Variants in EVX1 observed in about 807,000 individuals in gnomAD.
The protein encoded by EVX1 is homeobox even-skipped homolog protein 1.
In EVX1, 19 loss-of-function variants were observed where a neutral mutation model predicts 28.6. The ratio of observed to expected loss-of-function variants is 0.67; its 90% CI spans 0.46 to 0.98. The LOEUF (loss-of-function observed/expected upper bound fraction) is 0.98, where lower values mean the gene tolerates loss of function less well. Among genes scored for constraint, EVX1 ranks in the 50% least tolerant of loss-of-function variants. The pLI, the probability that EVX1 is intolerant of heterozygous loss-of-function variation, is 0.00. For synonymous variants in EVX1, 324 were observed against 278.2 expected (o/e 1.16, Z -1.64); for missense variants, 660 against 583.0 (o/e 1.13, Z -1.36).
In EVX1 at chr7:27,242,960, G is replaced by T. The variant is rs1477862565; in HGVS notation, c.-71G>T. On this transcript the variant is annotated 5_prime_UTR_variant, in exon 1 of 3. Coordinates refer to ENST00000496902, the MANE Select transcript of EVX1 (RefSeq NM_001989.5). ...TCTTGCAACCAAGATCCGTCCGGCC[G>T]CTGGAGACCCAGGGAGCCGGGGTTA... is the stretch of plus-strand genomic sequence containing the variant. 5.7e-6 allele frequency: 8 copies of T among 1,400,474 alleles called. No homozygotes were observed. Among genetic ancestry groups the T allele is most frequent in the Non-Finnish European group, 7.5e-6 (8 of 1,064,410 alleles). 86.8% of individuals were successfully genotyped at this position (1,400,474 alleles called of 1,614,324 possible). A position where few individuals can be genotyped will look rare whatever the true frequency, so the allele number is the denominator to read the frequency against.
chr7:27,243,611 G>A, intron 1 of EVX1, 154 bp downstream of exon 1: 2 of 802,940 alleles, frequency 2.5e-6, no homozygotes, highest in Non-Finnish European at 3.7e-6. Flanking sequence ...TCTGGCGGGG[G>A]TCTCCTACTG....
At chr7:27,245,393 G>A in intron 2 of EVX1, 89 bp downstream of exon 2, 2 of 1,557,550 alleles carry the variant, frequency 1.3e-6, no homozygotes, top group Non-Finnish European at 1.7e-6. Flanking sequence ...CGCAGGCCAG[G>A]AATCTGGGCC....
Position 27,242,886 on chromosome 7 carries a change from C to A in EVX1, c.-145C>A, listed in dbSNP as rs1783058985. On this transcript the variant is annotated 5_prime_UTR_variant, in exon 1 of 3. Coordinates refer to ENST00000496902, the MANE Select transcript of EVX1 (RefSeq NM_001989.5). ...ACCGCCGCGGTCGCGGTCCAGACCG[C>A]GCTCCAGCAGCTCCGCGCCCTCCCA... 6 of 933,042 alleles carry A rather than the reference C, an allele frequency of 6.4e-6. No homozygotes were observed. The Admixed American group carries it at 1.3e-4, about 20-fold the overall frequency. 57.8% of individuals were successfully genotyped at this position (933,042 alleles called of 1,614,324 possible). A position where few individuals can be genotyped will look rare whatever the true frequency, so the allele number is the denominator to read the frequency against.
intron 1 of EVX1, 34 bp from the exon 2 acceptor site, chr7:27,245,010 GTGTC>G: frequency 6.3e-7 from 1 of 1,591,084 alleles, no homozygotes; most frequent in Non-Finnish European, 8.5e-7. Flanking sequence ...TTGTGTGTCT[GTGTC>G]TGTACACGCC....
Position 27,245,063 on chromosome 7 carries a change from C to G in EVX1, c.443C>G (p.Ala148Gly). ...CGCTGTGCAGGGTCCGGCTCCGAGG[C>G]GCTGGTCGGCAGTCCGAACGGAGGG... Reference protein sequence around the residue: ...YQHSKGSGSEALVGSPNGGSE... With the variant: ...YQHSKGSGSEGLVGSPNGGSE... The change falls in exon 2 of 3, where the codon GCG becomes GGG. Residue 148 changes from alanine to glycine, a missense_variant. Transcript: ENST00000496902. 1 of 1,611,260 alleles carries G rather than the reference C, an allele frequency of 6.2e-7. No individual in the cohort carries two copies. The highest frequency in any genetic ancestry group is 8.5e-7 in the Non-Finnish European group (1 of 1,179,716).
rs769793457 is a variant in EVX1, at chr7:27,245,312, G to A, written c.684+8G>A. 6 of 1,612,982 alleles carry A rather than the reference G, an allele frequency of 3.7e-6. No individual in the cohort carries two copies. The highest frequency in any genetic ancestry group is 2.2e-5 in the South Asian group (2 of 91,084). ...CCGGAAACCACCATCAAGGTATGCG[G>A]GGTCCAGGCTGGGGAGGCGGGTGTG... On this transcript the variant is annotated splice_region_variant and intron_variant, in intron 2 of 2. Coordinates refer to ENST00000496902, the MANE Select transcript of EVX1 (RefSeq NM_001989.5).
Position 27,245,373 on chromosome 7 carries a change from C to T in EVX1, c.684+69C>T. 6 of 1,581,946 alleles carry T rather than the reference C, an allele frequency of 3.8e-6. No individual in the cohort carries two copies. In the South Asian group the frequency reaches 6.9e-5, roughly 18 times the overall value. ...GCGGGAAGTAAATGCCAACTGCCAA[C>T]TCCCTGAAACGCAGGCCAGGAATCT... On this transcript the variant is annotated intron_variant, in intron 2 of 2. Transcript: ENST00000496902.
rs115466641 is a variant in EVX1, at chr7:27,245,707, A to C, written c.685-179A>C. ...GGGAGCGGGCTGGAGTCACTCCCCA[A>C]ACCTCTCTCGGAGGGATTCCAGCTC... On this transcript the variant is annotated intron_variant, in intron 2 of 2. Coordinates refer to ENST00000496902, the MANE Select transcript of EVX1 (RefSeq NM_001989.5). 8.3e-3 allele frequency among the ~76,000 whole-genome samples: 1,253 copies of C among 151,808 alleles called. 23 individuals carry two copies. Among genetic ancestry groups the C allele is most frequent in the African/African-American group, 0.029 (1,192 of 41,404 alleles).
chr7:27,246,539 G>GC lies in EVX1; in HGVS notation c.*114_*115insC. 1.8e-6 allele frequency: 2 copies of GC among 1,098,848 alleles called. No individual in the cohort carries two copies. The highest frequency in any genetic ancestry group is 2.6e-6 in the Non-Finnish European group (2 of 781,412). The allele number at this position is 1,098,848 out of a possible 1,614,324, so 68.1% of individuals were successfully genotyped here. Reference sequence around the variant, plus strand: ...CTCCTCGCCCCTAGGACGCCAAGGGGGAAAGGAGAGGGCGGAAAAGGACCA... The same window carrying GC: ...CTCCTCGCCCCTAGGACGCCAAGGGGCGAAAGGAGAGGGCGGAAAAGGACCA... On this transcript the variant is annotated 3_prime_UTR_variant, in exon 3 of 3. Transcript: ENST00000496902.
Position 27,246,191 on chromosome 7 carries a change from G to T in EVX1, c.990G>T (p.Pro330=). Reference sequence around the variant, plus strand: ...TGCTGTGCGCCTTCCGCCACCCGCCGCTCTACCCCGGGCCCGCGCACGGAC... The same window carrying T: ...TGCTGTGCGCCTTCCGCCACCCGCCTCTCTACCCCGGGCCCGCGCACGGAC... ...PELLCAFRHP[P]LYPGPAHGLG... Residue 330 remains proline (P), a synonymous_variant, in exon 3 of 3, where the codon CCG becomes CCT. Coordinates refer to ENST00000496902, the MANE Select transcript of EVX1 (RefSeq NM_001989.5). 1.3e-6 allele frequency: 2 copies of T among 1,494,906 alleles called. No individual in the cohort carries two copies. Among genetic ancestry groups the T allele is most frequent in the South Asian group, 2.5e-5 (2 of 79,210 alleles). The allele number at this position is 1,494,906 out of a possible 1,614,324, so 92.6% of individuals were successfully genotyped here.
chr7:27,245,781 G>A (rs1469475723), intron 2 of EVX1, 105 bp from the exon 3 acceptor site: 2 of 1,449,200 alleles, frequency 1.4e-6, no homozygotes, highest in Admixed American at 4.8e-5. Flanking sequence ...GTCTGCTTTG[G>A]CTGTTCCTGC....
rs538993502 is a variant in EVX1, at chr7:27,243,415, C to G, written c.385C>G (p.Pro129Ala). Residue 129 changes from proline to alanine, a missense_variant, in exon 1 of 3, where the codon CCG becomes GCG. Coordinates refer to ENST00000496902, the MANE Select transcript of EVX1 (RefSeq NM_001989.5). Reference sequence around the variant, plus strand: ...TGAAGAAATCGAGGTGAGCTGCACCCCGGACTGCGCCACCGGGAACGCCGA... The same window carrying G: ...TGAAGAAATCGAGGTGAGCTGCACCGCGGACTGCGCCACCGGGAACGCCGA... ...FYEEIEVSCT[P>A]DCATGNAEYQ... 5 of 1,610,074 alleles carry G rather than the reference C, an allele frequency of 3.1e-6. No homozygotes were observed. The East Asian group carries it at 6.7e-5, about 22-fold the overall frequency.
At chr7:27,244,164 G>T (rs1025451126) in intron 1 of EVX1, among the ~76,000 whole-genome samples, 7 of 152,374 alleles carry the variant, frequency 4.6e-5, no homozygotes, top group Admixed American at 4.6e-4. Context: ...GCCCAAAGGG[G>T]GGCTGGTTTA....
chr7:27,243,555 G>A (rs1381154871), intron 1 of EVX1, 98 bp downstream of exon 1: 1 of 1,338,410 alleles, frequency 7.5e-7, no homozygotes, highest in Non-Finnish European at 9.9e-7. Flanking sequence ...CCTAGGGCAG[G>A]ATGGCTGGGG....
intron 1 of EVX1, 23 bp downstream of exon 1, chr7:27,243,480 C>T (rs1783084085): frequency 1.3e-6 from 2 of 1,548,608 alleles, no homozygotes; most frequent in Non-Finnish European, 8.7e-7. Context: ...CCCCTCCGCT[C>T]CCCGGGCCTC....
At chr7:27,244,511 A>G (rs546559798) in intron 1 of EVX1, 1 of 989,180 alleles carries the variant, frequency 1.0e-6, no homozygotes. Flanking sequence ...CCACTCACAT[A>G]TACTAAGGTA....
chr7:27,243,400 G>A lies in EVX1; in HGVS notation c.370G>A (p.Glu124Lys). Residue 124 changes from glutamate to lysine, a missense_variant, in exon 1 of 3, where the codon GAG (glutamate) becomes AAG (lysine). Glu to Lys is a moderately conservative substitution (Grantham distance 56, BLOSUM62 1). Around this residue, in one of 3 missense-constraint regions of EVX1, gnomAD observed 308 missense variants for 256.6 expected, o/e 1.20. Transcript: ENST00000496902. ...CGAGTCGGATTTCTATGAAGAAATC[G>A]AGGTGAGCTGCACCCCGGACTGCGC... ...DTESDFYEEI[E>K]VSCTPDCATG... 6.2e-7 allele frequency: 1 copy of A among 1,611,992 alleles called. No homozygotes were observed.
intron 1 of EVX1, 67 bp downstream of exon 1, chr7:27,243,524 A>T: frequency 6.7e-7 from 1 of 1,495,590 alleles, no homozygotes; most frequent in East Asian, 2.4e-5. Context: ...GGCGCAGGCC[A>T]GGAGGAAGAC....
chr7:27,243,248 T>C lies in EVX1; in HGVS notation c.218T>C (p.Leu73Pro). The C allele has an allele frequency of 1.3e-6, 2 of 1,546,842 alleles. No homozygotes were observed. Among genetic ancestry groups the C allele is most frequent in the Non-Finnish European group, 8.7e-7 (1 of 1,146,074 alleles). The change falls in exon 1 of 3, where the codon CTC becomes CCC. Residue 73 changes from leucine (L) to proline (P), a missense_variant. Transcript: ENST00000496902. The part of the protein sequence containing the change: ...GGPEEEPVDG[L>P]AGSAAGPGAE... ...CCGGAGGAGGAGCCGGTAGATGGAC[T>C]CGCAGGCAGCGCGGCGGGGCCGGGC... is the stretch of plus-strand genomic sequence containing the variant.
Sources: gnomAD v4.1 joint callset for allele counts (sites outside exome capture counted in the v4.1 genomes callset) on GRCh38, gnomAD v4.1.1 for gene constraint, gnomAD v4.1.1 regional missense constraint, MANE v1.5 for transcripts, NCBI Gene and HGNC (gene_info 2026-07-23, HGNC 2026-07-21) for gene names.